KIF21A: variants seen among roughly 807,000 people sequenced by gnomAD.
The protein encoded by KIF21A is kinesin-like protein KIF21A.
A neutral mutation model predicts 202.9 loss-of-function variants in KIF21A; 114 were observed. The ratio of observed to expected loss-of-function variants is 0.56; its 90% CI spans 0.48 to 0.66. The LOEUF (loss-of-function observed/expected upper bound fraction) is 0.66. Ranked by LOEUF, KIF21A falls within the 30% of genes least tolerant of loss-of-function variation. The pLI is 0.00. For missense variants in KIF21A, 1,677 were observed against 1,994.9 expected, an observed-to-expected ratio of 0.84 and a Z score of 3.04; for synonymous variants, 667 against 670.8, an observed-to-expected ratio of 0.99 and a Z score of 0.09.
intron 12 of KIF21A, among the ~76,000 whole-genome samples, chr12:39,342,625 C>T (rs1947538687): frequency 6.6e-6 from 1 of 152,150 alleles, no homozygotes; most frequent in Admixed American, 6.6e-5. Context: ...CTAGCTATAT[C>T]CATCAGTATT....
chr12:39,371,073 A>T (rs1023676727), intron 1 of KIF21A, among the ~76,000 whole-genome samples: 9 of 152,122 alleles, frequency 5.9e-5, no homozygotes, highest in African/African-American at 2.2e-4. Flanking sequence ...AATGCTATGT[A>T]AATAGTTATT....
At chr12:39,422,593 CA>C (rs1954391874) in intron 1 of KIF21A, among the ~76,000 whole-genome samples, 1 of 152,142 alleles carries the variant, frequency 6.6e-6, no homozygotes, top group African/African-American at 2.4e-5. Context: ...TGGGACACCT[CA>C]AAACTTTAAT....
intron 1 of KIF21A, among the ~76,000 whole-genome samples, chr12:39,428,618 T>G (rs1954945022): frequency 6.6e-6 from 1 of 152,190 alleles, no homozygotes; most frequent in Non-Finnish European, 1.5e-5. Flanking sequence ...GTAAAATTAA[T>G]CAAATGTCTT....
Position 39,356,473 on chromosome 12 carries a change from G to A in KIF21A, c.1469+359C>T, listed in dbSNP as rs145037435. Reference sequence around the variant, plus strand: ...GGAGATTCAAAAAATTGGAGATGATGTGTAGATATTGATCTATTCCCAACT... The same window carrying A: ...GGAGATTCAAAAAATTGGAGATGATATGTAGATATTGATCTATTCCCAACT... On this transcript the variant is annotated intron_variant, in intron 10 of 37. Transcript: ENST00000361418. The A allele has an allele frequency of 2.7e-3, 464 of 174,114 alleles. 1 individual carries two copies. The highest frequency in any genetic ancestry group is 0.016 in the South Asian group (101 of 6,314). 10.8% of individuals were successfully genotyped at this position (174,114 alleles called of 1,614,324 possible). A position where few individuals can be genotyped will look rare whatever the true frequency, so the allele number is the denominator to read the frequency against.
intron 1 of KIF21A, among the ~76,000 whole-genome samples, chr12:39,373,886 G>T (rs17486018): frequency 2.6e-5 from 4 of 152,032 alleles, no homozygotes; most frequent in Non-Finnish European, 5.9e-5. Context: ...ATTTGCATGG[G>T]TGAAGAAGAC....
rs767468340 is a variant in KIF21A at position 39,370,069 on chromosome 12, T to C, written c.237A>G (p.Gly79=). Residue 79 remains glycine (G), a synonymous_variant, in exon 2 of 38, where the codon GGA becomes GGG. Transcript: ENST00000361418. ...IEKLIEGCFE[G]YNATVFAYGQ... ...CATAAGCAAAAACTGTAGCATTGTA[T>C]CCTTCAAAGCAACCTTCAATTAGTT... 7 of 1,613,674 alleles carry C rather than the reference T, an allele frequency of 4.3e-6. No individual in the cohort carries two copies. Among genetic ancestry groups the C allele is most frequent in the Non-Finnish European group, 5.9e-6 (7 of 1,179,684 alleles).
chr12:39,326,255 CCTT>C lies in KIF21A; in HGVS notation c.3401+6_3401+8del. The C allele has an allele frequency of 6.3e-7, 1 of 1,588,108 alleles. No individual in the cohort carries two copies. Among genetic ancestry groups the C allele is most frequent in the Non-Finnish European group, 8.6e-7 (1 of 1,156,772 alleles). On this transcript the variant is annotated splice_donor_region_variant and intron_variant, in intron 25 of 37. Coordinates refer to ENST00000361418, the MANE Select transcript of KIF21A (RefSeq NM_001173464.2). ...AAGTCAACTCTATTGTTTCTAAAGG[CCTT>C]CTTACCTTCCTTCTGATCCTGGGCT...
intron 30 of KIF21A, 134 bp downstream of exon 30, chr12:39,315,798 A>G: frequency 1.3e-6 from 1 of 773,692 alleles, no homozygotes; most frequent in East Asian, 2.4e-5. Flanking sequence ...TCATGTTTAG[A>G]AATATTAGTG....
chr12:39,402,521 G>A (rs181058907), intron 1 of KIF21A, among the ~76,000 whole-genome samples: 1 of 152,216 alleles, frequency 6.6e-6, no homozygotes, highest in Admixed American at 6.5e-5. Flanking sequence ...AGGTAACATA[G>A]CAAGACACCT....
intron 31 of KIF21A, among the ~76,000 whole-genome samples, chr12:39,314,812 G>A (rs1944364972): frequency 6.6e-6 from 1 of 151,756 alleles, no homozygotes; most frequent in African/African-American, 2.4e-5. Context: ...GTATGGCACA[G>A]TTATTTCCAG....
At chr12:39,351,453 G>A (rs1948373474) in intron 11 of KIF21A, among the ~76,000 whole-genome samples, 2 of 152,048 alleles carry the variant, frequency 1.3e-5, no homozygotes, top group African/African-American at 4.8e-5. Context: ...AGTTGTAATG[G>A]TACAGCAAGC....
At position 39,294,333 on chromosome 12, in the gene KIF21A, C is replaced by T. The variant is rs1591980908; in HGVS notation, c.*91G>A. ...TATTTTCCAGTTAATCCGATTCATA[C>T]GTTTTGCCTAGTAAGTACAGGACAA... On this transcript the variant is annotated 3_prime_UTR_variant, in exon 38 of 38. Transcript: ENST00000361418. The T allele has an allele frequency of 1.9e-5, 17 of 893,222 alleles. No individual in the cohort carries two copies. The highest frequency in any genetic ancestry group is 2.8e-5 in the Non-Finnish European group (15 of 530,680). 55.3% of individuals were successfully genotyped at this position (893,222 alleles called of 1,614,324 possible). A position where few individuals can be genotyped will look rare whatever the true frequency, so the allele number is the denominator to read the frequency against.
In KIF21A at chr12:39,302,857, A is replaced by G. The variant is rs1187158902; in HGVS notation, c.4731+108T>C. On this transcript the variant is annotated intron_variant, in intron 36 of 37. Coordinates refer to ENST00000361418, the MANE Select transcript of KIF21A (RefSeq NM_001173464.2). ...TCTTTAAGAAAAAGGCCTGATTAATATTATCTGTAAATGATAAAAATCTAC... is the reference window on the plus strand; with the variant it reads ...TCTTTAAGAAAAAGGCCTGATTAATGTTATCTGTAAATGATAAAAATCTAC... The G allele has an allele frequency of 7.2e-6, 7 of 978,030 alleles. No homozygotes were observed. The Admixed American group carries it at 8.8e-5, about 12-fold the overall frequency. 60.6% of individuals were successfully genotyped at this position (978,030 alleles called of 1,614,324 possible).
chr12:39,374,448 T>C (rs1247601420), intron 1 of KIF21A, among the ~76,000 whole-genome samples: 4 of 152,092 alleles, frequency 2.6e-5, no homozygotes, highest in Non-Finnish European at 5.9e-5. Flanking sequence ...CACTAAGAAA[T>C]AACAAAGCCA....
At chr12:39,397,466 ACT>A (rs989164011) in intron 1 of KIF21A, among the ~76,000 whole-genome samples, 4 of 150,748 alleles carry the variant, frequency 2.7e-5, no homozygotes, top group African/African-American at 9.8e-5. Flanking sequence ...ACCTTAACCA[ACT>A]CTATTTTTTT....
intron 1 of KIF21A, among the ~76,000 whole-genome samples, chr12:39,441,834 C>G (rs1003793760): frequency 2.6e-5 from 4 of 151,952 alleles, no homozygotes; most frequent in African/African-American, 9.7e-5. Context: ...GGAAAGACTA[C>G]AAGACTGGGA....
chr12:39,392,169 A>G (rs1951413162), intron 1 of KIF21A, among the ~76,000 whole-genome samples: 1 of 152,266 alleles, frequency 6.6e-6, no homozygotes, highest in African/African-American at 2.4e-5. Context: ...GGATATTTCC[A>G]GCGAAGAGAG....
intron 1 of KIF21A, among the ~76,000 whole-genome samples, chr12:39,409,403 A>G (rs927875765): frequency 4.0e-5 from 6 of 151,288 alleles, no homozygotes; most frequent in African/African-American, 1.5e-4. Flanking sequence ...AAAAAAGAAA[A>G]AAATAGCTAC....
intron 31 of KIF21A, chr12:39,311,846 A>C: frequency 2.9e-6 from 1 of 340,800 alleles, no homozygotes; most frequent in South Asian, 3.2e-5. Context: ...TAACGAAGCC[A>C]CAATGGGAAT....
Sources: allele counts gnomAD v4.1 joint callset (sites outside exome capture counted in the v4.1 genomes callset), GRCh38; gene constraint gnomAD v4.1.1; transcripts MANE v1.5; gene names NCBI Gene and HGNC (gene_info 2026-07-23, HGNC 2026-07-21).